HSPA4L: variants seen among roughly 807,000 people sequenced by gnomAD.
The protein encoded by HSPA4L is heat shock 70 kDa protein 4L.
HSPA4L carries 48 observed loss-of-function variants against 100.3 expected under a neutral mutation model. The ratio of observed to expected loss-of-function variants is 0.48; its 90% CI spans 0.38 to 0.61. The LOEUF (loss-of-function observed/expected upper bound fraction) is 0.61, where lower values mean the gene tolerates loss of function less well. Ranked by LOEUF, HSPA4L falls within the 20% of genes least tolerant of loss-of-function variation. The pLI is 0.00. For synonymous variants in HSPA4L, 319 were observed against 328.2 expected (o/e 0.97, Z 0.30); for missense variants, 886 against 988.6 (o/e 0.90, Z 1.39).
Position 127,801,167 on chromosome 4 carries a change from A to G in HSPA4L, c.459A>G (p.Arg153=). Residue 153 remains arginine, a synonymous_variant, in exon 5 of 19, where the codon AGA becomes AGG. Coordinates refer to ENST00000296464, the MANE Select transcript of HSPA4L (RefSeq NM_014278.4). The part of the protein sequence containing the change: ...SIPSFFTDAE[R]RSVMAAAQVA... ...CTAGCTTTTTTACTGATGCCGAGAG[A>G]AGATCTGTGATGGCTGCAGCCCAGG... The G allele has an allele frequency of 1.2e-6, 2 of 1,613,064 alleles. No individual in the cohort carries two copies.
chr4:127,818,256 A>G lies in HSPA4L; in HGVS notation c.1579-69A>G, dbSNP rs1733722939. ...TTCAAAACAGGCTTGAACTCTTAAG[A>G]TGCAGTTTACATTTTTAAAACAAAA... On this transcript the variant is annotated intron_variant, in intron 12 of 18. Transcript: ENST00000296464. 3 of 1,022,962 alleles carry G rather than the reference A, an allele frequency of 2.9e-6. No individual in the cohort carries two copies. In the African/African-American group the frequency reaches 4.8e-5, roughly 16 times the overall value. The allele number at this position is 1,022,962 out of a possible 1,614,324, so 63.4% of individuals were successfully genotyped here. A position where few individuals can be genotyped will look rare whatever the true frequency, so the allele number is the denominator to read the frequency against.
chr4:127,813,585 T>C (rs1436522918), intron 12 of HSPA4L: 2 of 183,406 alleles, frequency 1.1e-5, no homozygotes, highest in Non-Finnish European at 2.3e-5. Flanking sequence ...TTATTTTTAC[T>C]GAAATTGAAA....
intron 12 of HSPA4L, among the ~76,000 whole-genome samples, chr4:127,812,264 C>T (rs1733551824): frequency 6.6e-6 from 1 of 151,854 alleles, no homozygotes. Flanking sequence ...AAAAAATTAG[C>T]CGGGCGTGGT....
chr4:127,801,265 T>C (rs1220101175), intron 5 of HSPA4L, 28 bp downstream of exon 5: 1 of 1,469,372 alleles, frequency 6.8e-7, no homozygotes, highest in African/African-American at 1.4e-5. Context: ...TGAAAATCAC[T>C]ATAAGCAAAA....
In HSPA4L at chr4:127,830,785, G is replaced by A; in HGVS notation, c.2314G>A (p.Val772Ile). 6.3e-7 allele frequency: 1 copy of A among 1,586,514 alleles called. No individual in the cohort carries two copies. The highest frequency in any genetic ancestry group is 8.5e-7 in the Non-Finnish European group (1 of 1,170,056). Reference sequence around the variant, plus strand: ...TCCTGTGGTAAAAGTTTCAGAAATAGTAGCAAAGTCAAAGGTAAGAAGTTT... The same window carrying A: ...TCCTGTGGTAAAAGTTTCAGAAATAATAGCAAAGTCAAAGGTAAGAAGTTT... ...QDPVVKVSEI[V>I]AKSKELDNFC... Residue 772 changes from valine (V) to isoleucine (I), a missense_variant, in exon 18 of 19, where the codon GTA becomes ATA. Transcript: ENST00000296464.
intron 12 of HSPA4L, among the ~76,000 whole-genome samples, chr4:127,817,502 G>A (rs1265683477): frequency 6.6e-6 from 1 of 152,098 alleles, no homozygotes; most frequent in Non-Finnish European, 1.5e-5. Flanking sequence ...ATGGTGACAG[G>A]ATTAAGAAGG....
chr4:127,832,093 T>C (rs527829590), intron 18 of HSPA4L, among the ~76,000 whole-genome samples: 1 of 152,164 alleles, frequency 6.6e-6, no homozygotes, highest in African/African-American at 2.4e-5. Flanking sequence ...GTTTTTAAAT[T>C]TGAGTAGTGT....
chr4:127,812,294 A>C (rs553895255), intron 12 of HSPA4L, among the ~76,000 whole-genome samples: 1 of 151,696 alleles, frequency 6.6e-6, no homozygotes, highest in Non-Finnish European at 1.5e-5. Context: ...CTGTAGTCCC[A>C]GCTACTCAGG....
At chr4:127,818,245 G>T in intron 12 of HSPA4L, 80 bp from the exon 13 acceptor site, 2 of 902,734 alleles carry the variant, frequency 2.2e-6, no homozygotes, top group South Asian at 1.6e-5. Context: ...AAACAGGCTT[G>T]AACTCTTAAG....
chr4:127,806,939 AT>A (rs1733376771), intron 10 of HSPA4L, among the ~76,000 whole-genome samples: 1 of 151,904 alleles, frequency 6.6e-6, no homozygotes, highest in Non-Finnish European at 1.5e-5. Context: ...TTTTTAAATA[AT>A]TTTTCACCTG....
chr4:127,803,903 GT>G (rs1460202535), intron 7 of HSPA4L, 30 bp downstream of exon 7: 4 of 1,609,346 alleles, frequency 2.5e-6, no homozygotes, highest in African/African-American at 1.3e-5. Context: ...TTTGAAAAGT[GT>G]TTACTTATTT....
chr4:127,838,143 T>C lies in HSPA4L; in HGVS notation c.*5269T>C, dbSNP rs1734255359. 6.6e-6 allele frequency: 1 copy of C among 152,184 alleles called. No individual in the cohort carries two copies. Among genetic ancestry groups the C allele is most frequent in the African/African-American group, 2.4e-5 (1 of 41,460 alleles). The allele number at this position is 152,184 out of a possible 1,614,324, so 9.4% of individuals were successfully genotyped here. A position where few individuals can be genotyped will look rare whatever the true frequency, so the allele number is the denominator to read the frequency against. On this transcript the variant is annotated 3_prime_UTR_variant, in exon 19 of 19. Transcript: ENST00000296464. ...ACTCATGTTTTCTAACAAAACAGCT[T>C]TGGATTTATAATGCTGCCAGATGTC...
rs1734165516 is a variant in HSPA4L at position 127,834,744 on chromosome 4, T to TA, written c.*1874dup. The TA allele has an allele frequency of 6.6e-6, 1 of 152,208 alleles. No homozygotes were observed. Among genetic ancestry groups the TA allele is most frequent in the South Asian group, 2.1e-4 (1 of 4,832 alleles). 9.4% of individuals were successfully genotyped at this position (152,208 alleles called of 1,614,324 possible). On this transcript the variant is annotated 3_prime_UTR_variant, in exon 19 of 19. Coordinates refer to ENST00000296464, the MANE Select transcript of HSPA4L (RefSeq NM_014278.4). ...GGGACTTTAGAGCTTCTATTTGGGT[T>TA]AAAACATCCACTCACTTGGTTAGGA...
intron 11 of HSPA4L, 57 bp from the exon 12 acceptor site, chr4:127,811,380 G>C (rs1182019958): frequency 4.0e-6 from 5 of 1,258,372 alleles, no homozygotes; most frequent in East Asian, 2.3e-5. Context: ...ATTATTCAAT[G>C]AATTGAATAA....
At chr4:127,817,702 CAA>C (rs1224297641) in intron 12 of HSPA4L, among the ~76,000 whole-genome samples, 4 of 152,032 alleles carry the variant, frequency 2.6e-5, no homozygotes, top group Non-Finnish European at 4.4e-5. Context: ...TATCAAAACT[CAA>C]AGTGCATATT....
At chr4:127,784,989 A>C (rs1243993041) in intron 1 of HSPA4L, among the ~76,000 whole-genome samples, 2 of 152,258 alleles carry the variant, frequency 1.3e-5, no homozygotes, top group African/African-American at 4.8e-5. Context: ...GAAATGTTCA[A>C]TTTAGTTGTT....
At chr4:127,793,793 C>T (rs540469123) in intron 1 of HSPA4L, among the ~76,000 whole-genome samples, 4 of 152,062 alleles carry the variant, frequency 2.6e-5, no homozygotes, top group Non-Finnish European at 5.9e-5. Context: ...GTTGAGTTTT[C>T]TTTTAATGGG....
chr4:127,803,865 A>T lies in HSPA4L; in HGVS notation c.900A>T (p.Lys300Asn), dbSNP rs753180971. 1 of 1,613,432 alleles carries T rather than the reference A, an allele frequency of 6.2e-7. No individual in the cohort carries two copies. The highest frequency in any genetic ancestry group is 1.3e-5 in the African/African-American group (1 of 74,984). ...CFMNDLDVSSKMNRAQFEQLC... is the reference protein window; with the variant it reads ...CFMNDLDVSSNMNRAQFEQLC... ...TGAATGACCTTGATGTTTCTAGTAA[A>T]ATGAACAGGTACCACGTATGTTTTT... is the stretch of plus-strand genomic sequence containing the variant. Residue 300 changes from lysine (K) to asparagine (N), a missense_variant, in exon 7 of 19, where the codon AAA (lysine) becomes AAT (asparagine). Physicochemically the swap from Lys to Asn is moderately conservative, Grantham distance 94. Transcript: ENST00000296464.
chr4:127,808,301 A>T (rs982202820), intron 11 of HSPA4L, among the ~76,000 whole-genome samples, 172 bp downstream of exon 11: 1 of 152,190 alleles, frequency 6.6e-6, no homozygotes, highest in Non-Finnish European at 1.5e-5. Flanking sequence ...TATTTCTATA[A>T]TGACAGCAGG....
Sources: allele counts gnomAD v4.1 joint callset (sites outside exome capture counted in the v4.1 genomes callset), GRCh38; gene constraint gnomAD v4.1.1; transcripts MANE v1.5; gene names NCBI Gene and HGNC (gene_info 2026-07-23, HGNC 2026-07-21).